PHACTR3: variants seen among roughly 807,000 people sequenced by gnomAD.
PHACTR3 encodes phosphatase and actin regulator 3.
A neutral mutation model predicts 66.8 loss-of-function variants in PHACTR3; 16 were observed. That is an observed-to-expected ratio of 0.24 (90% CI 0.16 to 0.36). The LOEUF (loss-of-function observed/expected upper bound fraction) is 0.36. Among genes scored for constraint, PHACTR3 ranks in the 10% least tolerant of loss-of-function variants. PHACTR3 has a pLI of 1.00. For synonymous variants in PHACTR3, 323 were observed against 292.1 expected (o/e 1.11, Z -1.08); for missense variants, 647 against 719.9 (o/e 0.90, Z 1.16).
intron 7 of PHACTR3, among the ~76,000 whole-genome samples, chr20:59,805,448 G>A (rs1397103524): frequency 2.6e-5 from 4 of 152,208 alleles, no homozygotes; most frequent in African/African-American, 9.6e-5. Context: ...TCAGTTGGTT[G>A]GGGGGAATTA....
intron 1 of PHACTR3, among the ~76,000 whole-genome samples, chr20:59,683,650 T>G (rs571054694): frequency 6.0e-4 from 92 of 152,270 alleles, no homozygotes; most frequent in African/African-American, 2.2e-3. Flanking sequence ...TCACTAAGGA[T>G]TTTGAGCCAG....
chr20:59,618,334 T>C (rs1170713425), intron 1 of PHACTR3, among the ~76,000 whole-genome samples: 2 of 151,956 alleles, frequency 1.3e-5, no homozygotes, highest in East Asian at 3.9e-4. Flanking sequence ...TGAGTGTGTG[T>C]GTGCGTGAGT....
intron 1 of PHACTR3, among the ~76,000 whole-genome samples, chr20:59,739,046 C>T (rs2039055081): frequency 6.6e-6 from 1 of 152,112 alleles, no homozygotes; most frequent in East Asian, 1.9e-4. Context: ...AGAGAAGGAT[C>T]CCTGTACATC....
rs551004504 is a variant in PHACTR3, at chr20:59,658,799, G to T, written c.118+53667G>T. On this transcript the variant is annotated intron_variant, in intron 1 of 12. Transcript: ENST00000371015. ...AGTTAAATTTGAACCCCTTTGCAAA[G>T]GTATTTTTTGAGGTCAGTCTTTGAG... 8.5e-5 allele frequency among the ~76,000 whole-genome samples: 13 copies of T among 152,228 alleles called. No individual in the cohort carries two copies. The South Asian group carries it at 2.7e-3, about 32-fold the overall frequency.
rs527333071 is a variant in PHACTR3 at position 59,834,595 on chromosome 20, C to T, written c.1329-1910C>T. Among the ~76,000 whole-genome samples the T allele has an allele frequency of 3.8e-4, 58 of 152,302 alleles. No homozygotes were observed. The South Asian group carries it at 0.012, about 32-fold the overall frequency. On this transcript the variant is annotated intron_variant, in intron 8 of 12. Coordinates refer to ENST00000371015, the MANE Select transcript of PHACTR3 (RefSeq NM_080672.5). Reference sequence around the variant, plus strand: ...TTCCATGAAGCCTGCCTTGATTACCCACCCCCATCCTCACTCCCTCAGTGT... The same window carrying T: ...TTCCATGAAGCCTGCCTTGATTACCTACCCCCATCCTCACTCCCTCAGTGT...
At chr20:59,802,601 T>G (rs1270551977) in intron 7 of PHACTR3, among the ~76,000 whole-genome samples, 2 of 152,142 alleles carry the variant, frequency 1.3e-5, no homozygotes, top group Non-Finnish European at 2.9e-5. Flanking sequence ...CCCACACGTT[T>G]GTGTCTGTGT....
At chr20:59,792,703 A>G (rs1568827534) in intron 7 of PHACTR3, among the ~76,000 whole-genome samples, 1 of 152,172 alleles carries the variant, frequency 6.6e-6, no homozygotes, top group Non-Finnish European at 1.5e-5. Flanking sequence ...TTATCACCAT[A>G]TCTTTGTTGG....
At chr20:59,733,627 G>T (rs1406058407) in intron 1 of PHACTR3, among the ~76,000 whole-genome samples, 1 of 152,164 alleles carries the variant, frequency 6.6e-6, no homozygotes, top group Non-Finnish European at 1.5e-5. Flanking sequence ...CAAAGAGGCT[G>T]TGGGGTTAAG....
chr20:59,606,101 C>T (rs2033659570), intron 1 of PHACTR3, among the ~76,000 whole-genome samples: 2 of 152,178 alleles, frequency 1.3e-5, no homozygotes, highest in Admixed American at 6.5e-5. Context: ...AGTTGCTTCG[C>T]CTGCCTTTGA....
intron 12 of PHACTR3, among the ~76,000 whole-genome samples, chr20:59,845,910 G>T (rs2059139076): frequency 6.6e-6 from 1 of 152,144 alleles, no homozygotes; most frequent in African/African-American, 2.4e-5. Flanking sequence ...GGATGACACT[G>T]GGCTTCTTAG....
chr20:59,788,016 G>T (rs2040971811), intron 7 of PHACTR3, among the ~76,000 whole-genome samples: 1 of 152,098 alleles, frequency 6.6e-6, no homozygotes, highest in Admixed American at 6.5e-5. Context: ...TTGCTTATGT[G>T]AGTAAGTTAT....
At chr20:59,627,213 A>G (rs1161803620) in intron 1 of PHACTR3, among the ~76,000 whole-genome samples, 1 of 152,178 alleles carries the variant, frequency 6.6e-6, no homozygotes, top group Non-Finnish European at 1.5e-5. Context: ...CTTGCTGCCT[A>G]CAGCTGTGAC....
At chr20:59,674,805 A>G (rs941281976) in intron 1 of PHACTR3, among the ~76,000 whole-genome samples, 1 of 14,560 alleles carries the variant, frequency 6.9e-5, no homozygotes, top group Non-Finnish European at 1.1e-4. Context: ...TCCTCTTCCC[A>G]CCTTCTCCTG....
rs114822379 is a variant in PHACTR3, at chr20:59,619,362, G to T, written c.118+14230G>T. ...GTTTGAAGATGGAGGGGACTATGTG[G>T]AAGGGAATGTGAGTGACCTCTAGGA... On this transcript the variant is annotated intron_variant, in intron 1 of 12. Coordinates refer to ENST00000371015, the MANE Select transcript of PHACTR3 (RefSeq NM_080672.5). Among the ~76,000 whole-genome samples the T allele has an allele frequency of 8.7e-3, 1,327 of 152,236 alleles. 23 individuals carry two copies. Among genetic ancestry groups the T allele is most frequent in the African/African-American group, 0.03 (1,257 of 41,524 alleles).
chr20:59,831,357 C>G (rs943148321), intron 8 of PHACTR3, among the ~76,000 whole-genome samples: 1 of 152,198 alleles, frequency 6.6e-6, no homozygotes, highest in Non-Finnish European at 1.5e-5. Flanking sequence ...TGTGCACAAG[C>G]AGGGACCAGG....
intron 5 of PHACTR3, among the ~76,000 whole-genome samples, chr20:59,771,161 G>A (rs1456441114): frequency 1.3e-5 from 2 of 152,208 alleles, no homozygotes; most frequent in Admixed American, 6.5e-5. Context: ...CAAGCTGAGC[G>A]AGAGCAGGCA....
chr20:59,696,823 G>C (rs796674439), intron 1 of PHACTR3, among the ~76,000 whole-genome samples: 35 of 152,278 alleles, frequency 2.3e-4, no homozygotes, highest in African/African-American at 8.4e-4. Flanking sequence ...GACCTTGAAG[G>C]CTGATGCATT....
chr20:59,788,437 C>T (rs1329335297), intron 7 of PHACTR3, among the ~76,000 whole-genome samples: 1 of 152,078 alleles, frequency 6.6e-6, no homozygotes, highest in Non-Finnish European at 1.5e-5. Flanking sequence ...TTGGCTCCCT[C>T]CTCTCATTAA....
At chr20:59,595,599 GTTGA>G (rs1388134963) in intron 1 of PHACTR3, among the ~76,000 whole-genome samples, 2 of 152,206 alleles carry the variant, frequency 1.3e-5, no homozygotes, top group African/African-American at 4.8e-5. Context: ...GTTACATCCA[GTTGA>G]TTGATGGTGC....
Sources: gnomAD v4.1 joint callset for allele counts (sites outside exome capture counted in the v4.1 genomes callset) on GRCh38, gnomAD v4.1.1 for gene constraint, MANE v1.5 for transcripts, NCBI Gene and HGNC (gene_info 2026-07-23, HGNC 2026-07-21) for gene names.